Variants in ROBO2 observed in about 807,000 individuals in gnomAD.
The protein encoded by ROBO2 is roundabout guidance receptor 2.
In ROBO2, 53 loss-of-function variants were observed where a neutral mutation model predicts 160.8. The observed-to-expected ratio is 0.33, with a 90% CI of 0.26 to 0.41. The LOEUF (loss-of-function observed/expected upper bound fraction) is 0.41. Among genes scored for constraint, ROBO2 ranks in the 10% least tolerant of loss-of-function variants. ROBO2 has a pLI of 1.00. For missense variants in ROBO2, 1,577 were observed against 1,722.4 expected (o/e 0.92, Z 1.49); for synonymous variants, 664 against 611.7 (o/e 1.09, Z -1.26).
intron 2 of ROBO2, among the ~76,000 whole-genome samples, chr3:76,348,184 T>C (rs1228865054): frequency 2.0e-5 from 3 of 151,898 alleles, no homozygotes; most frequent in Non-Finnish European, 4.4e-5. Flanking sequence ...CCAAGCACTG[T>C]CCGCCATCAT....
chr3:77,547,405 C>T (rs970253805), intron 7 of ROBO2, among the ~76,000 whole-genome samples: 6 of 152,012 alleles, frequency 3.9e-5, no homozygotes, highest in African/African-American at 1.4e-4. Flanking sequence ...CTACATGTTC[C>T]AGAAGAATTT....
intron 2 of ROBO2, among the ~76,000 whole-genome samples, chr3:76,768,384 G>A (rs1019075776): frequency 4.0e-5 from 6 of 151,316 alleles, no homozygotes; most frequent in East Asian, 3.9e-4. Flanking sequence ...GAATTCGACC[G>A]CCTTTTCTCA....
At chr3:76,833,937 CCTT>C (rs199905194) in intron 2 of ROBO2, among the ~76,000 whole-genome samples, 2 of 151,170 alleles carry the variant, frequency 1.3e-5, no homozygotes, top group African/African-American at 2.4e-5. Context: ...TTCCTTCCTT[CCTT>C]CTTTTTTTCT....
chr3:76,950,020 G>A (rs1042699821), intron 2 of ROBO2, among the ~76,000 whole-genome samples: 25 of 152,308 alleles, frequency 1.6e-4, no homozygotes, highest in African/African-American at 6.0e-4. Context: ...AATGAGACAT[G>A]CATTCTCAGC....
intron 2 of ROBO2, among the ~76,000 whole-genome samples, chr3:76,788,803 G>A (rs116310550): frequency 1.4e-3 from 219 of 151,466 alleles, no homozygotes; most frequent in Middle Eastern, 3.4e-3. Flanking sequence ...GATATAGCAC[G>A]GTTCCATAAG....
In ROBO2 at chr3:77,017,742, A is replaced by AT. The variant is rs532868628; in HGVS notation, c.110-80267dup. The stretch of plus-strand genomic sequence containing the variant: ...TGACTTCACATAATTTTTTAAAGTA[A>AT]TTTTTCTATTTTTTTTTTCTTGACC... On this transcript the variant is annotated intron_variant, in intron 2 of 26. Coordinates refer to the ROBO2 transcript ENST00000487694. Among the ~76,000 whole-genome samples, 72 of 147,526 alleles carry AT rather than the reference A, an allele frequency of 4.9e-4. 1 individual carries two copies. The East Asian group carries it at 7.4e-3, about 15-fold the overall frequency.
rs1359701530 is a variant in ROBO2 at position 76,151,537 on chromosome 3, C to T, written c.109+213935C>T. ...ATTTCTGCTGGCTGGGGCTCCTAAA[C>T]ATATCAATTTCCTGAGCAGAAATAG... is the stretch of plus-strand genomic sequence containing the variant. On this transcript the variant is annotated intron_variant, in intron 2 of 26. Transcript: ENST00000487694. Among the ~76,000 whole-genome samples, 3 of 152,254 alleles carry T rather than the reference C, an allele frequency of 2.0e-5. No individual in the cohort carries two copies. In the East Asian group the frequency reaches 5.8e-4, roughly 29 times the overall value.
At chr3:77,129,702 G>C (rs61404123) in intron 2 of ROBO2, among the ~76,000 whole-genome samples, 87,494 of 152,004 alleles carry the variant, frequency 0.58, 25,516 homozygotes, top group Middle Eastern at 0.68. Context: ...CCACTGTCAG[G>C]TGCAGGCATT....
At chr3:76,424,314 T>C (rs2076120737) in intron 2 of ROBO2, among the ~76,000 whole-genome samples, 1 of 152,216 alleles carries the variant, frequency 6.6e-6, no homozygotes, top group Non-Finnish European at 1.5e-5. Context: ...GAAAGTGTTA[T>C]TAACAATGTT....
At chr3:77,382,275 G>C (rs138613012) in intron 2 of ROBO2, among the ~76,000 whole-genome samples, 1 of 150,612 alleles carries the variant, frequency 6.6e-6, no homozygotes, top group Non-Finnish European at 1.5e-5. Flanking sequence ...AATTTGATAG[G>C]CCCTGTAAAA....
intron 2 of ROBO2, among the ~76,000 whole-genome samples, chr3:76,778,790 C>T (rs1035495158): frequency 6.6e-6 from 1 of 151,060 alleles, no homozygotes; most frequent in African/African-American, 2.4e-5. Flanking sequence ...TTCCCATCAC[C>T]ATTAGCAGTG....
intron 2 of ROBO2, among the ~76,000 whole-genome samples, chr3:76,460,215 C>T (rs945716778): frequency 1.3e-5 from 2 of 151,632 alleles, no homozygotes; most frequent in African/African-American, 4.8e-5. Context: ...CAAGATTTAA[C>T]TTACCAAAAC....
At chr3:77,150,099 G>A (rs1163908710) in intron 2 of ROBO2, among the ~76,000 whole-genome samples, 1 of 152,088 alleles carries the variant, frequency 6.6e-6, no homozygotes, top group Non-Finnish European at 1.5e-5. Context: ...TAGATGTGGA[G>A]GAAAACTCTA....
intron 6 of ROBO2, among the ~76,000 whole-genome samples, chr3:77,541,651 AT>A (rs2092466167): frequency 6.6e-6 from 1 of 152,234 alleles, no homozygotes; most frequent in South Asian, 2.1e-4. Flanking sequence ...TAAACACTAA[AT>A]TGTGTCATTC....
At chr3:76,749,448 T>A (rs896234428) in intron 2 of ROBO2, among the ~76,000 whole-genome samples, 1 of 151,936 alleles carries the variant, frequency 6.6e-6, no homozygotes, top group African/African-American at 2.4e-5. Flanking sequence ...TTAAAAGATA[T>A]CAGAGAGCTT....
intron 1 of ROBO2, 108 bp downstream of exon 1, chr3:77,040,954 T>C (rs2064025901): frequency 6.8e-7 from 1 of 1,476,198 alleles, no homozygotes; most frequent in Non-Finnish European, 9.4e-7. Flanking sequence ...ACATTATGTC[T>C]GTTAGTCCGT....
At chr3:76,026,081 T>A (rs1046211294) in intron 2 of ROBO2, among the ~76,000 whole-genome samples, 2 of 151,916 alleles carry the variant, frequency 1.3e-5, no homozygotes, top group African/African-American at 4.8e-5. Flanking sequence ...GATTAATTTC[T>A]CTTTTGGCTC....
At chr3:77,193,082 T>C (rs1396739971) in intron 2 of ROBO2, among the ~76,000 whole-genome samples, 1 of 152,074 alleles carries the variant, frequency 6.6e-6, no homozygotes, top group African/African-American at 2.4e-5. Context: ...TTTGAATATA[T>C]ATTTAGTTTT....
chr3:77,598,395 T>C lies in ROBO2; in HGVS notation c.2854+1645T>C, dbSNP rs1424103645. Among the ~76,000 whole-genome samples the C allele has an allele frequency of 3.3e-5, 5 of 150,000 alleles. No individual in the cohort carries two copies. The East Asian group carries it at 9.8e-4, about 29-fold the overall frequency. On this transcript the variant is annotated intron_variant, in intron 19 of 25. Coordinates refer to ENST00000461745, the Ensembl canonical transcript of ROBO2. The stretch of plus-strand genomic sequence containing the variant: ...GCAAATAAAATACAGAAAATAACCA[T>C]TCCTACTTCATAGGTGTGTAATGAG...
Sources: allele counts gnomAD v4.1 joint callset (sites outside exome capture counted in the v4.1 genomes callset), GRCh38; gene constraint gnomAD v4.1.1; transcripts MANE v1.5; gene names NCBI Gene and HGNC (gene_info 2026-07-23, HGNC 2026-07-21).